Variants in TNXB observed in about 807,000 individuals in gnomAD.
TNXB encodes tenascin-X.
Under a neutral mutation model 340.5 loss-of-function variants are expected in TNXB, and 183 were observed. That is an observed-to-expected ratio of 0.54 (90% CI 0.48 to 0.61). The LOEUF (loss-of-function observed/expected upper bound fraction) is 0.61. Among genes scored for constraint, TNXB ranks in the 20% least tolerant of loss-of-function variants. The pLI, the probability that TNXB is intolerant of heterozygous loss-of-function variation, is 0.00. For synonymous variants in TNXB, 2,121 were observed against 2,314.5 expected (o/e 0.92, Z 2.40); for missense variants, 4,613 against 5,446.4 (o/e 0.85, Z 4.82).
Position 32,085,955 on chromosome 6 carries a change from C to G in TNXB, c.2943G>C (p.Trp981Cys). 6.2e-7 allele frequency: 1 copy of G among 1,608,286 alleles called. No homozygotes were observed. The highest frequency in any genetic ancestry group is 8.5e-7 in the Non-Finnish European group (1 of 1,178,804). The change falls in exon 7 of 44, where the codon TGG becomes TGC. Residue 981 changes from tryptophan to cysteine, a missense_variant. This residue lies in a region of TNXB where 4,327 missense variants were observed against 4,859.4 expected (regional missense o/e 0.89). Transcript: ENST00000644971. The surrounding 1 kb of genome is among the most constrained non-coding windows in gnomAD (Gnocchi z 6.4). ...RDETGRLRVV[W>C]TAQPDTFAYF... ...AGGCAAAGGTGTCAGGCTGGGCGGT[C>G]CAGACCACACGGAGGCGCCCTGTCT... is the stretch of plus-strand genomic sequence containing the variant.
At position 32,067,959 on chromosome 6, in the gene TNXB, G is replaced by A. The variant is rs1046552172; in HGVS notation, c.6246C>T (p.Pro2082=). The change falls in exon 18 of 44, where the codon CCC becomes CCT. Residue 2082 remains proline (P), a synonymous_variant. Coordinates refer to ENST00000644971, the MANE Select transcript of TNXB (RefSeq NM_001365276.2). This position sits in a 1 kb window ranked among gnomAD's most constrained non-coding sequence, Gnocchi z 4.2. The part of the protein sequence containing the change: ...VTAAEEETPS[P]TEPSMEAPEP... The stretch of plus-strand genomic sequence containing the variant: ...CCGGGGCCTCCATGCTGGGTTCTGT[G>A]GGGCTGGGGGTCTCTTCCTCTGCAG... 29 of 1,611,828 alleles carry A rather than the reference G, an allele frequency of 1.8e-5. No homozygotes were observed. The highest frequency in any genetic ancestry group is 2.5e-5 in the Non-Finnish European group (29 of 1,179,412).
Position 32,080,726 on chromosome 6 carries a change from T to C in TNXB, c.4042+642A>G, listed in dbSNP as rs1779380872. ...TAACCACTATCCACACTATCTCTCA[T>C]CAAATAATTCACAGGCCAGGGGAAT... is the stretch of plus-strand genomic sequence containing the variant. On this transcript the variant is annotated intron_variant, in intron 10 of 43. Coordinates refer to ENST00000644971, the MANE Select transcript of TNXB (RefSeq NM_001365276.2). The surrounding 1 kb of genome is among the most constrained non-coding windows in gnomAD (Gnocchi z 4.3). Among the ~76,000 whole-genome samples the C allele has an allele frequency of 6.6e-6, 1 of 152,060 alleles. No individual in the cohort carries two copies. The highest frequency in any genetic ancestry group is 2.4e-5 in the African/African-American group (1 of 41,394).
intron 18 of TNXB, among the ~76,000 whole-genome samples, chr6:32,066,234 A>T (rs905144793): frequency 1.3e-5 from 2 of 152,088 alleles, no homozygotes; most frequent in African/African-American, 2.4e-5. Flanking sequence ...TCTACAAAAA[A>T]TTTTTTTAAA....
At chr6:32,053,042 C>G in intron 25 of TNXB, 49 bp from the exon 26 acceptor site, 1 of 1,573,252 alleles carries the variant, frequency 6.4e-7, no homozygotes. Context: ...GGGGGATGTC[C>G]TTGGGTCTTG....
rs1473257039 is a variant in TNXB, at chr6:32,049,393, C to T, written c.9634G>A (p.Val3212Ile). Residue 3212 changes from valine (V) to isoleucine (I), a missense_variant, in exon 28 of 44, where the codon GTC becomes ATC. Coordinates refer to ENST00000644971, the MANE Select transcript of TNXB (RefSeq NM_001365276.2). This position sits in a 1 kb window ranked among gnomAD's most constrained non-coding sequence, Gnocchi z 4.5. ...GTGACCTCGCTCTCCTCGCCCCTGACACGCACCACCTGGGGCTGCCCGTCC... is the reference window on the plus strand; with the variant it reads ...GTGACCTCGCTCTCCTCGCCCCTGATACGCACCACCTGGGGCTGCCCGTCC... ...DRDGQPQVVR[V>I]RGEESEVTVG... 6.2e-7 allele frequency: 1 copy of T among 1,612,680 alleles called. No individual in the cohort carries two copies. Among genetic ancestry groups the T allele is most frequent in the Non-Finnish European group, 8.5e-7 (1 of 1,179,888 alleles).
At position 32,073,727 on chromosome 6, in the gene TNXB, G is replaced by A; in HGVS notation, c.4601C>T (p.Pro1534Leu). ...QREVTVYNLEPERKYKMNMYG... is the reference protein window; with the variant it reads ...QREVTVYNLELERKYKMNMYG... ...CATGTTCATCTTATATTTTCTCTCAGGCTCCAGGTTGTAGACTGTGACCTC... is the reference window on the plus strand; with the variant it reads ...CATGTTCATCTTATATTTTCTCTCAAGCTCCAGGTTGTAGACTGTGACCTC... The change falls in exon 12 of 44, where the codon CCT (proline) becomes CTT (leucine). Residue 1534 changes from proline to leucine, a missense_variant. Physicochemically the swap from Pro to Leu is moderately conservative, Grantham distance 98 (BLOSUM62 -3). This residue lies in a region of TNXB where 4,327 missense variants were observed against 4,859.4 expected (regional missense o/e 0.89). Transcript: ENST00000644971. This position sits in a 1 kb window ranked among gnomAD's most constrained non-coding sequence, Gnocchi z 4.6. 6.2e-7 allele frequency: 1 copy of A among 1,612,136 alleles called. No individual in the cohort carries two copies. Among genetic ancestry groups the A allele is most frequent in the Non-Finnish European group, 8.5e-7 (1 of 1,179,484 alleles).
Position 32,068,660 on chromosome 6 carries a change from G to C in TNXB, c.5950C>G (p.Pro1984Ala). Residue 1984 changes from proline to alanine, a missense_variant, in exon 17 of 44, where the codon CCC (proline) becomes GCC (alanine). Pro to Ala is a conservative substitution (Grantham distance 27, BLOSUM62 -1). Coordinates refer to ENST00000644971, the MANE Select transcript of TNXB (RefSeq NM_001365276.2). The surrounding 1 kb of genome is among the most constrained non-coding windows in gnomAD (Gnocchi z 5.3). ...PSEPPTATPE[P>A]PIKPRLGELT... ...TCCCCCAGGCGAGGCTTGATGGGGG[G>C]CTCGGGGGTTGCGGTGGGAGGTTCT... The C allele has an allele frequency of 1.2e-6, 2 of 1,613,934 alleles. No individual in the cohort carries two copies. Among genetic ancestry groups the C allele is most frequent in the South Asian group, 2.2e-5 (2 of 91,072 alleles).
chr6:32,096,359 A>G lies in TNXB; in HGVS notation c.1494T>C (p.Pro498=). ...AGCGCCCGCGCCCGCGACAGTCGCC[A>G]GGACAGGCGCGCGTGCCGCAGTCCC... ...TGRDCGTRAC[P]GDCRGRGRCV... is the part of the protein sequence containing the mutation. The change falls in exon 3 of 44, where the codon CCT becomes CCC. Residue 498 remains proline (P), a synonymous_variant. Transcript: ENST00000644971. 6.5e-7 allele frequency: 1 copy of G among 1,548,606 alleles called. No individual in the cohort carries two copies. The highest frequency in any genetic ancestry group is 8.7e-7 in the Non-Finnish European group (1 of 1,154,304).
At chr6:32,098,243 A>C (rs773465408) in intron 1 of TNXB, 37 bp from the exon 2 acceptor site, 103 of 1,435,748 alleles carry the variant, frequency 7.2e-5, no homozygotes, top group Non-Finnish European at 9.0e-5. Context: ...AGCAGCTTCA[A>C]AAAGGAGACA....
intron 4 of TNXB, among the ~76,000 whole-genome samples, chr6:32,092,079 G>C (rs901388979): frequency 3.3e-5 from 5 of 152,162 alleles, no homozygotes; most frequent in African/African-American, 9.7e-5. Context: ...AGTGGAGCTA[G>C]CACTTTGCAA....
At chr6:32,098,989 CTGAGT>C (rs893318116) in intron 1 of TNXB, among the ~76,000 whole-genome samples, 1 of 152,142 alleles carries the variant, frequency 6.6e-6, no homozygotes, top group Non-Finnish European at 1.5e-5. Context: ...TTACTGCTGC[CTGAGT>C]TATCAGTTTA....
At position 32,069,429 on chromosome 6, in the gene TNXB, C is replaced by A. The variant is rs984623777; in HGVS notation, c.5587+124G>T. ...TGGGGCAACTGACTCTAAAGGGGCACAAGGAAACTTTCTGGATCAATGGAA... is the reference window on the plus strand; with the variant it reads ...TGGGGCAACTGACTCTAAAGGGGCAAAAGGAAACTTTCTGGATCAATGGAA... On this transcript the variant is annotated intron_variant, in intron 15 of 43. Transcript: ENST00000644971. The surrounding 1 kb of genome is among the most constrained non-coding windows in gnomAD (Gnocchi z 6.2). The A allele has an allele frequency of 5.7e-6, 7 of 1,234,586 alleles. No homozygotes were observed. The East Asian group carries it at 7.6e-5, about 13-fold the overall frequency. 76.5% of individuals were successfully genotyped at this position (1,234,586 alleles called of 1,614,324 possible).
Position 32,079,279 on chromosome 6 carries a change from C to A in TNXB, c.4129G>T (p.Glu1377Ter). The A allele has an allele frequency of 6.2e-7, 1 of 1,613,200 alleles. No individual in the cohort carries two copies. Among genetic ancestry groups the A allele is most frequent in the Non-Finnish European group, 8.5e-7 (1 of 1,179,856 alleles). ...PESPEEPLLG[E>*]LTVTGSSPDS... ...GGGGAGGATCCTGTCACTGTCAGCT[C>A]CCCCAGGAGCGGCTCCTCGGGGGAC... The change falls in exon 11 of 44, where the codon GAG becomes TAG. Residue 1377 changes from glutamate (E) to a stop codon, truncating the protein, a stop_gained. Coordinates refer to ENST00000644971, the MANE Select transcript of TNXB (RefSeq NM_001365276.2). LOFTEE classifies it high-confidence loss of function. This position sits in a 1 kb window ranked among gnomAD's most constrained non-coding sequence, Gnocchi z 7.1.
chr6:32,096,395 C>T lies in TNXB; in HGVS notation c.1458G>A (p.Gly486=), dbSNP rs1219977511. ...CESGRCMCWP[G]YTGRDCGTRA... is the part of the protein sequence containing the mutation. ...GCGTGCCGCAGTCCCGGCCTGTGTA[C>T]CCCGGCCAACACATGCAGCGGCCAC... Residue 486 remains glycine, a synonymous_variant, in exon 3 of 44, where the codon GGG becomes GGA. Transcript: ENST00000644971. 12 of 1,573,914 alleles carry T rather than the reference C, an allele frequency of 7.6e-6. No homozygotes were observed. Among genetic ancestry groups the T allele is most frequent in the Non-Finnish European group, 1.0e-5 (12 of 1,167,914 alleles).
At chr6:32,098,735 C>T (rs1011800994) in intron 1 of TNXB, among the ~76,000 whole-genome samples, 1 of 152,210 alleles carries the variant, frequency 6.6e-6, no homozygotes, top group African/African-American at 2.4e-5. Context: ...TCGCCTCAGC[C>T]TCCCAAAGTG....
chr6:32,061,246 C>CCG lies in TNXB; in HGVS notation c.7492+149_7492+150dup. The CCG allele has an allele frequency of 4.0e-6, 5 of 1,245,102 alleles. No homozygotes were observed. The South Asian group carries it at 7.6e-5, about 19-fold the overall frequency. The allele number at this position is 1,245,102 out of a possible 1,614,324, so 77.1% of individuals were successfully genotyped here. On this transcript the variant is annotated intron_variant, in intron 21 of 43. Coordinates refer to ENST00000644971, the MANE Select transcript of TNXB (RefSeq NM_001365276.2). The surrounding 1 kb of genome is among the most constrained non-coding windows in gnomAD (Gnocchi z 4.4). ...GGCCACGCCAAAGTGAACAAGCAAA[C>CCG]CGCTAGCATAGGCCACAGCCACAGG... is the stretch of plus-strand genomic sequence containing the variant.
chr6:32,058,072 G>A lies in TNXB; in HGVS notation c.7811C>T (p.Ala2604Val). 1.2e-6 allele frequency: 2 copies of A among 1,609,378 alleles called. No individual in the cohort carries two copies. Among genetic ancestry groups the A allele is most frequent in the Non-Finnish European group, 1.7e-6 (2 of 1,177,802 alleles). Residue 2604 changes from alanine (A) to valine (V), a missense_variant, in exon 22 of 44, where the codon GCC becomes GTC. By Grantham distance (64) the Ala-to-Val change is moderately conservative. This residue lies in a region of TNXB where 4,327 missense variants were observed against 4,859.4 expected (regional missense o/e 0.89). Coordinates refer to ENST00000644971, the MANE Select transcript of TNXB (RefSeq NM_001365276.2). This position sits in a 1 kb window ranked among gnomAD's most constrained non-coding sequence, Gnocchi z 5.1. ...CACTCACTCACCTGTGACGCCCACG[G>A]CAGACACCGGGCCCAGGCGCCGCCC... ...HEGRRLGPVS[A>V]VGVTEDEAET...
In TNXB at chr6:32,064,279, C is replaced by T. The variant is rs1434083072; in HGVS notation, c.6841+542G>A. 6.6e-6 allele frequency among the ~76,000 whole-genome samples: 1 copy of T among 152,170 alleles called. No homozygotes were observed. Among genetic ancestry groups the T allele is most frequent in the Non-Finnish European group, 1.5e-5 (1 of 68,036 alleles). On this transcript the variant is annotated intron_variant, in intron 19 of 43. Coordinates refer to ENST00000644971, the MANE Select transcript of TNXB (RefSeq NM_001365276.2). This position sits in a 1 kb window ranked among gnomAD's most constrained non-coding sequence, Gnocchi z 5.3. Reference sequence around the variant, plus strand: ...ACAGGCTGGAGTGCAGTGGCTCGATCTCGGCTCACTGCAACCTCCGCCTCC... The same window carrying T: ...ACAGGCTGGAGTGCAGTGGCTCGATTTCGGCTCACTGCAACCTCCGCCTCC...
rs753449596 is a variant in TNXB, at chr6:32,069,090, T to C, written c.5634A>G (p.Pro1878=). The change falls in exon 16 of 44, where the codon CCA becomes CCG. Residue 1878 remains proline, a synonymous_variant. Coordinates refer to ENST00000644971, the MANE Select transcript of TNXB (RefSeq NM_001365276.2). This position sits in a 1 kb window ranked among gnomAD's most constrained non-coding sequence, Gnocchi z 6.2. ...TETETTAPTP[P]APEPHLGELT... ...ACTCCCCGAGGTGGGGCTCAGGCGC[T>C]GGAGGGGTCGGGGCCGTGGTCTCAG... is the stretch of plus-strand genomic sequence containing the variant. 3.5e-5 allele frequency: 57 copies of C among 1,612,330 alleles called. No homozygotes were observed. The highest frequency in any genetic ancestry group is 4.4e-5 in the Non-Finnish European group (52 of 1,179,756).
Sources: allele counts gnomAD v4.1 joint callset (sites outside exome capture counted in the v4.1 genomes callset), GRCh38; gene constraint gnomAD v4.1.1; regional missense constraint gnomAD v4.1.1; non-coding constraint Gnocchi (gnomAD v3.1); transcripts MANE v1.5; gene names NCBI Gene and HGNC (gene_info 2026-07-23, HGNC 2026-07-21).